Variants in SPECC1L observed in about 807,000 individuals in gnomAD.
SPECC1L encodes the protein sperm antigen with calponin homology and coiled-coil domains 1 like, also known as cytospin-A.
In SPECC1L, 40 loss-of-function variants were observed where a neutral mutation model predicts 116.8. The observed-to-expected ratio is 0.34, with a 90% CI of 0.27 to 0.45. SPECC1L has a LOEUF of 0.45. Among genes scored for constraint, SPECC1L ranks in the 20% least tolerant of loss-of-function variants. The probability of loss-of-function intolerance (pLI) is 1.00; values close to 1 mark genes in which losing one functional copy is unlikely to be tolerated. For missense variants in SPECC1L, 1,110 were observed against 1,373.6 expected, an observed-to-expected ratio of 0.81 and a Z score of 3.03; for synonymous variants, 504 against 500.6, an observed-to-expected ratio of 1.01 and a Z score of -0.09.
intron 14 of SPECC1L, among the ~76,000 whole-genome samples, chr22:24,385,581 AAAT>A (rs2042146281): frequency 1.3e-5 from 2 of 152,378 alleles, no homozygotes; most frequent in South Asian, 4.1e-4. Flanking sequence ...TCTCAGTAAG[AAAT>A]ATTACTAGAG....
chr22:24,319,618 TGG>T (rs1163583725), intron 4 of SPECC1L, among the ~76,000 whole-genome samples: 1 of 152,236 alleles, frequency 6.6e-6, no homozygotes, highest in Admixed American at 6.5e-5. Context: ...GCCTATCTTT[TGG>T]GACTCTATAT....
intron 10 of SPECC1L, 144 bp from the exon 11 acceptor site, chr22:24,346,942 C>A: frequency 1.4e-6 from 1 of 716,130 alleles, no homozygotes. Context: ...ACAGTCCATG[C>A]CTGTAAGGTG....
chr22:24,338,347 C>T (rs200215996), intron 9 of SPECC1L, 39 bp from the exon 10 acceptor site: 73 of 1,597,372 alleles, frequency 4.6e-5, no homozygotes, highest in Non-Finnish European at 5.4e-5. Context: ...TTCCACTGTA[C>T]AGTGACATTA....
At chr22:24,375,145 G>T (rs2041947436) in intron 14 of SPECC1L, among the ~76,000 whole-genome samples, 1 of 152,142 alleles carries the variant, frequency 6.6e-6, no homozygotes, top group Non-Finnish European at 1.5e-5. Flanking sequence ...AGAACATCTG[G>T]AGAGACAAAT....
At chr22:24,320,797 A>G (rs1415295158) in intron 4 of SPECC1L, among the ~76,000 whole-genome samples, 1 of 152,182 alleles carries the variant, frequency 6.6e-6, no homozygotes, top group Non-Finnish European at 1.5e-5. Context: ...TGTTTCTAGT[A>G]GGTAGCTTAG....
At chr22:24,283,118 G>T (rs993050844) in intron 2 of SPECC1L, among the ~76,000 whole-genome samples, 4 of 148,152 alleles carry the variant, frequency 2.7e-5, no homozygotes, top group African/African-American at 7.5e-5. Context: ...TTGTACTGCT[G>T]CCCAGGCTGG....
At chr22:24,346,326 C>T (rs11090319) in intron 10 of SPECC1L, among the ~76,000 whole-genome samples, 79,691 of 151,962 alleles carry the variant, frequency 0.52, 21,052 homozygotes, top group Admixed American at 0.6. Context: ...TTCTGGCTGC[C>T]TGCATATGCA....
Position 24,330,357 on chromosome 22 carries a change from A to G in SPECC1L, c.2322A>G (p.Leu774=). 10 of 1,614,214 alleles carry G rather than the reference A, an allele frequency of 6.2e-6. No homozygotes were observed. Among genetic ancestry groups the G allele is most frequent in the African/African-American group, 2.7e-5 (2 of 75,054 alleles). Residue 774 remains leucine, a synonymous_variant, in exon 8 of 17, where the codon CTA becomes CTG. Coordinates refer to ENST00000314328, the MANE Select transcript of SPECC1L (RefSeq NM_015330.6). ...AAGCCCAAGAGGAGATTGGTGATCT[A>G]AAGCGCCGGTTACATGAGGCTCAAG... ...KSEAQEEIGD[L]KRRLHEAQEK... is the part of the protein sequence containing the mutation.
chr22:24,362,767 C>T (rs1054296276), intron 11 of SPECC1L, among the ~76,000 whole-genome samples: 1 of 152,178 alleles, frequency 6.6e-6, no homozygotes, highest in African/African-American at 2.4e-5. Flanking sequence ...GAAGCCTACC[C>T]TGCTGCCTGA....
chr22:24,363,035 C>T (rs2041675866), intron 11 of SPECC1L, among the ~76,000 whole-genome samples: 1 of 152,132 alleles, frequency 6.6e-6, no homozygotes, highest in Non-Finnish European at 1.5e-5. Flanking sequence ...CTGTGTGGGG[C>T]GTCTCATTCC....
At chr22:24,366,705 G>C (rs2146637493) in intron 13 of SPECC1L, among the ~76,000 whole-genome samples, 1 of 152,238 alleles carries the variant, frequency 6.6e-6, no homozygotes, top group East Asian at 1.9e-4. Context: ...GGCTGTGTTT[G>C]TTTACACTGG....
At chr22:24,333,086 G>A (rs1476676402) in intron 8 of SPECC1L, among the ~76,000 whole-genome samples, 1 of 152,120 alleles carries the variant, frequency 6.6e-6, no homozygotes, top group East Asian at 1.9e-4. Context: ...AAATTAGCCG[G>A]GGGTGGTGGC....
chr22:24,325,397 A>G (rs1261635518), intron 6 of SPECC1L, among the ~76,000 whole-genome samples: 1 of 152,208 alleles, frequency 6.6e-6, no homozygotes, highest in East Asian at 1.9e-4. Context: ...AGGAAAAAAA[A>G]ATACATTCCA....
chr22:24,389,411 C>G (rs1214444372), intron 14 of SPECC1L, among the ~76,000 whole-genome samples: 6 of 152,026 alleles, frequency 3.9e-5, no homozygotes. Context: ...CTGTGTCTGG[C>G]CAATAATACT....
rs1435910742 is a variant in SPECC1L, at chr22:24,321,455, G to A, written c.475G>A (p.Ala159Thr). 1 of 1,614,272 alleles carries A rather than the reference G, an allele frequency of 6.2e-7. No homozygotes were observed. Among genetic ancestry groups the A allele is most frequent in the South Asian group, 1.1e-5 (1 of 91,090 alleles). ...GGCCAAACGTTCCCGCAGTCGAACT[G>A]CTACAGAATGTGACGTTCGTATGAG... ...ALAKRSRSRT[A>T]TECDVRMSKS... is the part of the protein sequence containing the mutation. Residue 159 changes from alanine to threonine, a missense_variant, in exon 5 of 17, where the codon GCT becomes ACT. By Grantham distance (58) the Ala-to-Thr change is moderately conservative. Around this residue, in one of 4 missense-constraint regions of SPECC1L, gnomAD observed 437 missense variants for 482.6 expected, o/e 0.91. Coordinates refer to ENST00000314328, the MANE Select transcript of SPECC1L (RefSeq NM_015330.6).
chr22:24,383,945 G>T (rs1277010240), intron 14 of SPECC1L, among the ~76,000 whole-genome samples: 2 of 151,490 alleles, frequency 1.3e-5, no homozygotes, highest in African/African-American at 4.9e-5. Context: ...GAGCCACCGT[G>T]CCTGGCCCAA....
At chr22:24,409,333 A>C (rs1449520589) in intron 14 of SPECC1L, among the ~76,000 whole-genome samples, 12 of 152,176 alleles carry the variant, frequency 7.9e-5, no homozygotes, top group Admixed American at 7.9e-4. Context: ...TGAAATAATG[A>C]AAGTGGGACA....
chr22:24,403,215 T>C (rs532599730), intron 14 of SPECC1L, among the ~76,000 whole-genome samples: 43 of 152,344 alleles, frequency 2.8e-4, no homozygotes, highest in African/African-American at 9.9e-4. Flanking sequence ...AGAGGCCGTT[T>C]TGAAAGTTTC....
At chr22:24,299,114 T>C (rs1369486283) in intron 2 of SPECC1L, among the ~76,000 whole-genome samples, 1 of 152,228 alleles carries the variant, frequency 6.6e-6, no homozygotes, top group African/African-American at 2.4e-5. Flanking sequence ...TTAGTCCTAA[T>C]ATAGTCCTGC....
Sources: allele counts gnomAD v4.1 joint callset (sites outside exome capture counted in the v4.1 genomes callset), GRCh38; gene constraint gnomAD v4.1.1; regional missense constraint gnomAD v4.1.1; transcripts MANE v1.5; gene names NCBI Gene and HGNC (gene_info 2026-07-23, HGNC 2026-07-21).